ATP11A: variants seen among roughly 807,000 people sequenced by gnomAD.
ATP11A encodes ATPase phospholipid transporting 11A.
Under a neutral mutation model 154.4 loss-of-function variants are expected in ATP11A, and 81 were observed. The ratio of observed to expected loss-of-function variants is 0.52; its 90% CI spans 0.44 to 0.63. ATP11A has a LOEUF of 0.63. Among genes scored for constraint, ATP11A ranks in the 30% least tolerant of loss-of-function variants. The pLI is 0.00. For missense variants in ATP11A, 1,316 were observed against 1,474.3 expected, an observed-to-expected ratio of 0.89 and a Z score of 1.76; for synonymous variants, 623 against 585.9, an observed-to-expected ratio of 1.06 and a Z score of -0.91.
chr13:112,852,340 T>C (rs1381252769), intron 18 of ATP11A, among the ~76,000 whole-genome samples: 1 of 152,224 alleles, frequency 6.6e-6, no homozygotes, highest in Non-Finnish European at 1.5e-5. Context: ...TTTCTGAGCG[T>C]GTTGAACAAA....
At position 112,696,673 on chromosome 13, in the gene ATP11A, C is replaced by G. The variant is rs1015341897; in HGVS notation, c.39+6218C>G. On this transcript the variant is annotated intron_variant, in intron 1 of 29. Coordinates refer to ENST00000375645, the MANE Select transcript of ATP11A (RefSeq NM_015205.3). The surrounding 1 kb of genome is among the most constrained non-coding windows in gnomAD (Gnocchi z 6.2). ...CTTCCTTCTCCTGTCTCTTCTGTGC[C>G]TACCGCGGGGGGTTCCCTTACCAAG... Among the ~76,000 whole-genome samples the G allele has an allele frequency of 1.3e-5, 2 of 152,128 alleles. No homozygotes were observed. Among genetic ancestry groups the G allele is most frequent in the Non-Finnish European group, 2.9e-5 (2 of 68,022 alleles).
chr13:112,875,175 C>G lies in ATP11A; in HGVS notation c.3162-601C>G, dbSNP rs1426145087. Among the ~76,000 whole-genome samples, 1 of 152,166 alleles carries G rather than the reference C, an allele frequency of 6.6e-6. No individual in the cohort carries two copies. Among genetic ancestry groups the G allele is most frequent in the Non-Finnish European group, 1.5e-5 (1 of 68,026 alleles). ...CCACACACCAGTTTCACTGTGCTTCCTGGAGCTGGGGCCCTATCTCTGTGT... is the reference window on the plus strand; with the variant it reads ...CCACACACCAGTTTCACTGTGCTTCGTGGAGCTGGGGCCCTATCTCTGTGT... On this transcript the variant is annotated intron_variant, in intron 27 of 29. Coordinates refer to ENST00000375645, the MANE Select transcript of ATP11A (RefSeq NM_015205.3). This position sits in a 1 kb window ranked among gnomAD's most constrained non-coding sequence, Gnocchi z 4.1.
intron 1 of ATP11A, among the ~76,000 whole-genome samples, chr13:112,710,376 C>T (rs1311608479): frequency 6.6e-6 from 1 of 152,236 alleles, no homozygotes; most frequent in Non-Finnish European, 1.5e-5. Flanking sequence ...ATCAGTGTTT[C>T]CCGACAGGAT....
At chr13:112,873,160 G>A (rs868475315) in intron 26 of ATP11A, among the ~76,000 whole-genome samples, 4 of 127,914 alleles carry the variant, frequency 3.1e-5, no homozygotes, top group African/African-American at 3.3e-5. Flanking sequence ...TTCCTGAGTG[G>A]TGTGAGGTGT....
chr13:112,859,189 G>A lies in ATP11A; in HGVS notation c.2668-204G>A, dbSNP rs1429405556. 1.2e-5 allele frequency: 7 copies of A among 592,598 alleles called. No individual in the cohort carries two copies. Among genetic ancestry groups the A allele is most frequent in the Admixed American group, 8.2e-5 (3 of 36,798 alleles). 36.7% of individuals were successfully genotyped at this position (592,598 alleles called of 1,614,324 possible). ...GACAAATTTCCTCTATACGTTGTCTGTCCTGAGTGGCCAAAACGTGGTCAC... is the reference window on the plus strand; with the variant it reads ...GACAAATTTCCTCTATACGTTGTCTATCCTGAGTGGCCAAAACGTGGTCAC... On this transcript the variant is annotated intron_variant, in intron 22 of 29. Coordinates refer to ENST00000375645, the MANE Select transcript of ATP11A (RefSeq NM_015205.3). This position sits in a 1 kb window ranked among gnomAD's most constrained non-coding sequence, Gnocchi z 4.3.
At chr13:112,850,369 A>G (rs981121155) in intron 17 of ATP11A, among the ~76,000 whole-genome samples, 1 of 152,210 alleles carries the variant, frequency 6.6e-6, no homozygotes, top group Non-Finnish European at 1.5e-5. Context: ...GATGGAATGA[A>G]GAGGTTCATC....
chr13:112,714,047 G>A (rs7317569), intron 1 of ATP11A, among the ~76,000 whole-genome samples: 10 of 11,024 alleles, frequency 9.1e-4, no homozygotes, highest in Non-Finnish European at 1.3e-3. Context: ...TCACTCCCCC[G>A]ACCCCTGATC....
intron 4 of ATP11A, among the ~76,000 whole-genome samples, chr13:112,808,621 GC>G (rs2078394464): frequency 6.6e-6 from 1 of 152,050 alleles, no homozygotes; most frequent in Non-Finnish European, 1.5e-5. Flanking sequence ...CATGCTCCCG[GC>G]CCCTCCTCGC....
chr13:112,865,939 T>C (rs2080317571), intron 25 of ATP11A, among the ~76,000 whole-genome samples: 1 of 152,228 alleles, frequency 6.6e-6, no homozygotes, highest in Non-Finnish European at 1.5e-5. Flanking sequence ...CATTTAGACA[T>C]TGCATTTTTG....
intron 29 of ATP11A, chr13:112,880,458 G>A (rs762952913): frequency 2.8e-5 from 31 of 1,107,844 alleles, no homozygotes; most frequent in Non-Finnish European, 3.6e-5. Context: ...TTCCTGCTGG[G>A]GTCCCACGGA....
rs1442506156 is a variant in ATP11A, at chr13:112,859,875, G to A, written c.2728-412G>A. Among the ~76,000 whole-genome samples the A allele has an allele frequency of 6.6e-6, 1 of 152,210 alleles. No homozygotes were observed. The highest frequency in any genetic ancestry group is 6.5e-5 in the Admixed American group (1 of 15,278). ...GAAGAAGACAGTTCCCATCCGGGAGGGGTGAAGGACTCCCCGGGCATCTGC... is the reference window on the plus strand; with the variant it reads ...GAAGAAGACAGTTCCCATCCGGGAGAGGTGAAGGACTCCCCGGGCATCTGC... On this transcript the variant is annotated intron_variant, in intron 23 of 29. Transcript: ENST00000375645. The surrounding 1 kb of genome is among the most constrained non-coding windows in gnomAD (Gnocchi z 4.3).
chr13:112,819,942 C>G lies in ATP11A; in HGVS notation c.717C>G (p.Pro239=). ...RINVYSDLND[P]VVRPLGSENL... Reference sequence around the variant, plus strand: ...ACGTTTACAGTGACCTGAATGACCCCGTGGTGAGGTGAGTGCCTCTGCGGA... The same window carrying G: ...ACGTTTACAGTGACCTGAATGACCCGGTGGTGAGGTGAGTGCCTCTGCGGA... The change falls in exon 8 of 30, where the codon CCC becomes CCG. Residue 239 remains proline (P), a synonymous_variant. Transcript: ENST00000375645. 4 of 1,607,238 alleles carry G rather than the reference C, an allele frequency of 2.5e-6. No homozygotes were observed. Among genetic ancestry groups the G allele is most frequent in the Non-Finnish European group, 3.4e-6 (4 of 1,176,686 alleles).
At chr13:112,792,325 T>TG (rs1343169295) in intron 2 of ATP11A, among the ~76,000 whole-genome samples, 1 of 151,924 alleles carries the variant, frequency 6.6e-6, no homozygotes, top group Admixed American at 6.5e-5. Flanking sequence ...TCAGGATGTG[T>TG]GAAAAAAAAA....
intron 5 of ATP11A, among the ~76,000 whole-genome samples, chr13:112,811,183 C>A (rs917710177): frequency 6.7e-6 from 1 of 149,556 alleles, no homozygotes; most frequent in African/African-American, 2.5e-5. Context: ...CACACACACA[C>A]ACACACACAC....
At chr13:112,823,862 A>T (rs1420814384) in intron 9 of ATP11A, among the ~76,000 whole-genome samples, 1 of 152,192 alleles carries the variant, frequency 6.6e-6, no homozygotes, top group Non-Finnish European at 1.5e-5. Context: ...ATGCCTGCAG[A>T]TGCCAAAATC....
At chr13:112,850,932 G>A (rs896234172) in intron 17 of ATP11A, 105 bp from the exon 18 acceptor site, 10 of 1,020,522 alleles carry the variant, frequency 9.8e-6, no homozygotes, top group Non-Finnish European at 1.3e-5. Flanking sequence ...CAATTCTTGG[G>A]TTAGTTAGTC....
rs762185946 is a variant in ATP11A at position 112,873,603 on chromosome 13, A to G, written c.3088A>G (p.Ile1030Val). The change falls in exon 27 of 30, where the codon ATC becomes GTC. Residue 1030 changes from isoleucine to valine, a missense_variant. Around this residue, in one of 5 missense-constraint regions of ATP11A, gnomAD observed 294 missense variants for 290.2 expected, o/e 1.01. Transcript: ENST00000375645. Reference sequence around the variant, plus strand: ...ATTGGACACACACTACTGGACTTGGATCAACCATTTTGTCATCTGGGGGTC... The same window carrying G: ...ATTGGACACACACTACTGGACTTGGGTCAACCATTTTGTCATCTGGGGGTC... ...LALDTHYWTW[I>V]NHFVIWGSLL... 13 of 1,612,190 alleles carry G rather than the reference A, an allele frequency of 8.1e-6. No homozygotes were observed. Among genetic ancestry groups the G allele is most frequent in the Non-Finnish European group, 1.1e-5 (13 of 1,179,594 alleles).
rs181228272 is a variant in ATP11A at position 112,818,656 on chromosome 13, C to T, written c.571-648C>T. ...CACAGATGCTACTGAGGTCACCAGGCCTCAAAATGTGTTCTGAGAGCAGCA... is the reference window on the plus strand; with the variant it reads ...CACAGATGCTACTGAGGTCACCAGGTCTCAAAATGTGTTCTGAGAGCAGCA... On this transcript the variant is annotated intron_variant, in intron 6 of 29. Transcript: ENST00000375645. 1.1e-4 allele frequency among the ~76,000 whole-genome samples: 16 copies of T among 152,310 alleles called. No homozygotes were observed. The East Asian group carries it at 3.1e-3, about 29-fold the overall frequency.
In ATP11A at chr13:112,823,343, A is replaced by G; in HGVS notation, c.726-2A>G. ...TCATTTCTGATCATCGTATCTTTAC[A>G]GGCCCTTAGGATCGGAAAACCTGCT... On this transcript the variant is annotated splice_acceptor_variant, in intron 8 of 29. Transcript: ENST00000375645. LOFTEE classifies it high-confidence loss of function. 2.5e-6 allele frequency: 4 copies of G among 1,612,986 alleles called. No individual in the cohort carries two copies. Among genetic ancestry groups the G allele is most frequent in the Non-Finnish European group, 3.4e-6 (4 of 1,179,112 alleles).
Sources: allele counts gnomAD v4.1 joint callset (sites outside exome capture counted in the v4.1 genomes callset), GRCh38; gene constraint gnomAD v4.1.1; regional missense constraint gnomAD v4.1.1; non-coding constraint Gnocchi (gnomAD v3.1); transcripts MANE v1.5; gene names NCBI Gene and HGNC (gene_info 2026-07-23, HGNC 2026-07-21).